The following TACC2 variants were observed in gnomAD, a reference collection of about 807,000 sequenced individuals.
TACC2 encodes transforming acidic coiled-coil-containing protein 2.
A neutral mutation model predicts 227.3 loss-of-function variants in TACC2; 137 were observed. That is an observed-to-expected ratio of 0.60 (90% CI 0.52 to 0.69). The LOEUF (loss-of-function observed/expected upper bound fraction) is 0.69. Ranked by LOEUF, TACC2 falls within the 30% of genes least tolerant of loss-of-function variation. TACC2 has a pLI of 0.00. For synonymous variants in TACC2, 1,523 were observed against 1,487.5 expected, an observed-to-expected ratio of 1.02 and a Z score of -0.55; for missense variants, 3,470 against 3,694.4, an observed-to-expected ratio of 0.94 and a Z score of 1.57.
intron 5 of TACC2, among the ~76,000 whole-genome samples, chr10:122,101,851 C>T (rs1231153158): frequency 4.0e-5 from 6 of 148,762 alleles, no homozygotes; most frequent in African/African-American, 1.2e-4. Context: ...GGATTACAGG[C>T]GTGAGCTACC....
In TACC2 at chr10:122,085,709, T is replaced by A; in HGVS notation, c.3209T>A (p.Val1070Asp). The A allele has an allele frequency of 6.2e-7, 1 of 1,613,596 alleles. No homozygotes were observed. The highest frequency in any genetic ancestry group is 8.5e-7 in the Non-Finnish European group (1 of 1,179,974). Residue 1070 changes from valine to aspartate, a missense_variant, in exon 4 of 23, where the codon GTC becomes GAC. Physicochemically the swap from Val to Asp is radical, Grantham distance 152. Around this residue, in one of 10 missense-constraint regions of TACC2, gnomAD observed 1,924 missense variants for 1,978.3 expected, o/e 0.97. Transcript: ENST00000369005. ...LPALAPASPGVTPTQDAPETE... is the reference protein window; with the variant it reads ...LPALAPASPGDTPTQDAPETE... Reference sequence around the variant, plus strand: ...GCCCTGGCGCCCGCCAGCCCCGGAGTCACACCCACCCAGGATGCCCCAGAG... The same window carrying A: ...GCCCTGGCGCCCGCCAGCCCCGGAGACACACCCACCCAGGATGCCCCAGAG...
chr10:122,163,861 G>A lies in TACC2; in HGVS notation c.5834+20155G>A. ...GGCCGGCTCGCCCCGGCTCCCGGCT[G>A]CAGGAATCGCGCCAGGACGCTGGCC... On this transcript the variant is annotated intron_variant, in intron 7 of 22. Transcript: ENST00000369005. 2.0e-6 allele frequency: 3 copies of A among 1,518,902 alleles called. No individual in the cohort carries two copies. In the Admixed American group the frequency reaches 6.3e-5, roughly 32 times the overall value. The allele number at this position is 1,518,902 out of a possible 1,614,324, so 94.1% of individuals were successfully genotyped here.
intron 1 of TACC2, chr10:122,020,013 A>G (rs1957143478): frequency 2.0e-5 from 3 of 152,142 alleles, no homozygotes; most frequent in African/African-American, 4.8e-5. Context: ...TACAATTTAC[A>G]CCTCACCAGG....
intron 3 of TACC2, among the ~76,000 whole-genome samples, chr10:122,054,267 C>G (rs772955619): frequency 9.2e-5 from 14 of 152,234 alleles, no homozygotes; most frequent in African/African-American, 3.4e-4. Context: ...CATCCAGAGT[C>G]TGGGACATGC....
chr10:122,120,190 C>T (rs1038340983), intron 5 of TACC2, among the ~76,000 whole-genome samples: 3 of 152,180 alleles, frequency 2.0e-5, no homozygotes, highest in African/African-American at 7.2e-5. Context: ...GTCAGCAGGT[C>T]ACCCCCTGCC....
intron 5 of TACC2, among the ~76,000 whole-genome samples, chr10:122,102,084 T>C (rs539633331): frequency 6.6e-6 from 1 of 152,224 alleles, no homozygotes; most frequent in East Asian, 1.9e-4. Flanking sequence ...TACAAGGTAC[T>C]GTGTGACGCT....
chr10:122,156,953 A>T (rs917161294), intron 7 of TACC2, among the ~76,000 whole-genome samples: 2 of 151,954 alleles, frequency 1.3e-5, no homozygotes, highest in Non-Finnish European at 2.9e-5. Context: ...TCTACAAAAA[A>T]TAGAAAAAAT....
At chr10:122,082,381 C>G (rs1197975031) in intron 3 of TACC2, among the ~76,000 whole-genome samples, 2 of 152,174 alleles carry the variant, frequency 1.3e-5, no homozygotes, top group African/African-American at 4.8e-5. Context: ...CCACATTTCT[C>G]TATTCACTGC....
At position 122,082,760 on chromosome 10, in the gene TACC2, C is replaced by T. The variant is rs143057039; in HGVS notation, c.260C>T (p.Ala87Val). The T allele has an allele frequency of 1.2e-6, 2 of 1,613,972 alleles. No individual in the cohort carries two copies. Among genetic ancestry groups the T allele is most frequent in the Non-Finnish European group, 1.7e-6 (2 of 1,180,008 alleles). The change falls in exon 4 of 23, where the codon GCC (alanine) becomes GTC (valine). Residue 87 changes from alanine (A) to valine (V), a missense_variant. By Grantham distance (64) the Ala-to-Val change is moderately conservative. Coordinates refer to ENST00000369005, the MANE Select transcript of TACC2 (RefSeq NM_206862.4). ...VTEPRKDPQG[A>V]RGPEGSLLPS... The stretch of plus-strand genomic sequence containing the variant: ...GAGCCAAGGAAGGACCCACAGGGAG[C>T]CAGGGGGCCAGAAGGTTCTTTGCTG...
At chr10:122,163,042 C>T (rs2092917212) in intron 7 of TACC2, among the ~76,000 whole-genome samples, 1 of 152,066 alleles carries the variant, frequency 6.6e-6, no homozygotes, top group Non-Finnish European at 1.5e-5. Flanking sequence ...GGCCCTCAGA[C>T]TGTGCGGTGC....
At chr10:122,123,809 ATTTTT>A (rs55702616) in intron 5 of TACC2, among the ~76,000 whole-genome samples, 2 of 98,534 alleles carry the variant, frequency 2.0e-5, no homozygotes. Context: ...CTGTAGAGTC[ATTTTT>A]TTTTTTTTTT....
chr10:122,134,472 C>A (rs1409545773), intron 6 of TACC2, among the ~76,000 whole-genome samples: 2 of 152,134 alleles, frequency 1.3e-5, no homozygotes, highest in Admixed American at 6.5e-5. Context: ...AGCCACCTCG[C>A]CTGGCCGAGT....
chr10:122,230,712 A>C (rs941649202), intron 16 of TACC2, among the ~76,000 whole-genome samples: 3 of 152,264 alleles, frequency 2.0e-5, no homozygotes, highest in Non-Finnish European at 4.4e-5. Context: ...TAGGGTAAAG[A>C]AGGCTAGCCT....
At position 122,248,739 on chromosome 10, in the gene TACC2, A is replaced by G; in HGVS notation, c.8489A>G (p.Lys2830Arg). 1.2e-6 allele frequency: 2 copies of G among 1,614,200 alleles called. No homozygotes were observed. The highest frequency in any genetic ancestry group is 2.2e-5 in the East Asian group (1 of 44,878). ...QALADLNSVEKSLADLFRRYE... is the reference protein window; with the variant it reads ...QALADLNSVERSLADLFRRYE... ...CTGGCCGACCTGAACTCCGTGGAGA[A>G]GTCTCTGGCCGACCTCTTCAGAAGA... Residue 2830 changes from lysine to arginine, a missense_variant, in exon 20 of 23, where the codon AAG (lysine) becomes AGG (arginine). By Grantham distance (26) the Lys-to-Arg change is conservative (BLOSUM62 2). Around this residue, in one of 10 missense-constraint regions of TACC2, gnomAD observed 65 missense variants for 119.3 expected, o/e 0.54. Coordinates refer to ENST00000369005, the MANE Select transcript of TACC2 (RefSeq NM_206862.4).
At chr10:122,253,103 GAGGTTTTC>G (rs1458268300) in intron 22 of TACC2, among the ~76,000 whole-genome samples, 1 of 152,204 alleles carries the variant, frequency 6.6e-6, no homozygotes, top group Non-Finnish European at 1.5e-5. Flanking sequence ...CAGGAGTTCT[GAGGTTTTC>G]AGGGAAGGGC....
intron 16 of TACC2, among the ~76,000 whole-genome samples, chr10:122,235,715 C>T (rs1412408465): frequency 5.3e-5 from 8 of 152,174 alleles, no homozygotes; most frequent in East Asian, 1.9e-4. Context: ...TCCGGCCCTG[C>T]GGCTTGGTGG....
At chr10:122,042,973 A>G (rs2074487633) in intron 2 of TACC2, among the ~76,000 whole-genome samples, 1 of 152,216 alleles carries the variant, frequency 6.6e-6, no homozygotes, top group Non-Finnish European at 1.5e-5. Flanking sequence ...CTCTTTGAAT[A>G]AAGAGACTCT....
At chr10:122,073,593 C>G (rs555392891) in intron 3 of TACC2, among the ~76,000 whole-genome samples, 57 of 152,236 alleles carry the variant, frequency 3.7e-4, no homozygotes, top group African/African-American at 1.3e-3. Context: ...AAAAGCTCTA[C>G]TGAGAAAAAG....
chr10:122,248,945 G>T, intron 20 of TACC2, 105 bp from the exon 21 acceptor site: 1 of 1,478,264 alleles, frequency 6.8e-7, no homozygotes. Flanking sequence ...AGGCAGACTT[G>T]GCCGCCTGGG....
Sources: allele counts gnomAD v4.1 joint callset (sites outside exome capture counted in the v4.1 genomes callset), GRCh38; gene constraint gnomAD v4.1.1; regional missense constraint gnomAD v4.1.1; transcripts MANE v1.5; gene names NCBI Gene and HGNC (gene_info 2026-07-23, HGNC 2026-07-21).